CLSPN: variants seen among roughly 807,000 people sequenced by gnomAD.
CLSPN encodes claspin.
CLSPN carries 85 observed loss-of-function variants against 156.3 expected under a neutral mutation model. That is an observed-to-expected ratio of 0.54 (90% CI 0.46 to 0.65). The LOEUF (loss-of-function observed/expected upper bound fraction) is 0.65, where lower values mean the gene tolerates loss of function less well. Ranked by LOEUF, CLSPN falls within the 30% of genes least tolerant of loss-of-function variation. The pLI is 0.00. For missense variants in CLSPN, 1,407 were observed against 1,554.9 expected (o/e 0.90, Z 1.60); for synonymous variants, 534 against 542.4 (o/e 0.98, Z 0.22).
intron 8 of CLSPN, among the ~76,000 whole-genome samples, chr1:35,756,689 C>T (rs370039843): frequency 2.0e-4 from 30 of 152,252 alleles, no homozygotes; most frequent in African/African-American, 7.0e-4. Context: ...ATTCCATATG[C>T]TATTGCAAGC....
chr1:35,722,975 C>G (rs1641109067), intron 24 of CLSPN, among the ~76,000 whole-genome samples: 1 of 152,126 alleles, frequency 6.6e-6, no homozygotes, highest in Non-Finnish European at 1.5e-5. Flanking sequence ...ATGGAATATT[C>G]TAGCACTGTA....
rs1642189242 is a variant in CLSPN, at chr1:35,754,046, A to ATG, written c.1580-111_1580-110insCA. 46 of 941,400 alleles carry ATG rather than the reference A, an allele frequency of 4.9e-5. No homozygotes were observed. The South Asian group carries it at 8.4e-4, about 17-fold the overall frequency. 58.3% of individuals were successfully genotyped at this position (941,400 alleles called of 1,614,324 possible). On this transcript the variant is annotated intron_variant, in intron 8 of 24. Coordinates refer to ENST00000318121, the MANE Select transcript of CLSPN (RefSeq NM_022111.4). ...TCAACAATTATGAGGGAAACCACAC[A>ATG]TACACAGAGAAACCAAAAACCCCTT...
chr1:35,721,131 G>A (rs137922682), intron 24 of CLSPN, among the ~76,000 whole-genome samples: 6 of 152,212 alleles, frequency 3.9e-5, no homozygotes, highest in Admixed American at 2.0e-4. Flanking sequence ...TTCTTTCACC[G>A]ACAATTGAAA....
chr1:35,739,116 A>G lies in CLSPN; in HGVS notation c.3430+20T>C, dbSNP rs756141838. 3.1e-6 allele frequency: 5 copies of G among 1,614,012 alleles called. No homozygotes were observed. In the South Asian group the frequency reaches 5.5e-5, roughly 18 times the overall value. On this transcript the variant is annotated intron_variant, in intron 20 of 24. Coordinates refer to ENST00000318121, the MANE Select transcript of CLSPN (RefSeq NM_022111.4). ...GCTCAGCCCGTAACTGATTGCTTTT[A>G]AAGACAACAACCAAGATACCTATGT... is the stretch of plus-strand genomic sequence containing the variant.
At position 35,734,069 on chromosome 1, in the gene CLSPN, AC is replaced by A; in HGVS notation, c.*2426del. ...TCTTCACCTGAGCTGAACCCAAACC[AC>A]TTGGTAAGTTAACTTGATCAATTCA... is the stretch of plus-strand genomic sequence containing the variant. On this transcript the variant is annotated 3_prime_UTR_variant, in exon 25 of 25. Transcript: ENST00000318121. 1.0e-6 allele frequency: 1 copy of A among 985,418 alleles called. No homozygotes were observed. The highest frequency in any genetic ancestry group is 1.2e-6 in the Non-Finnish European group (1 of 829,910). 61.0% of individuals were successfully genotyped at this position (985,418 alleles called of 1,614,324 possible).
At chr1:35,743,607 A>C in intron 16 of CLSPN, 77 bp from the exon 17 acceptor site, 1 of 1,243,330 alleles carries the variant, frequency 8.0e-7, no homozygotes, top group Non-Finnish European at 1.2e-6. Flanking sequence ...TATGAATTAA[A>C]AAAAATTTTG....
rs920465760 is a variant in CLSPN, at chr1:35,740,423, T to C, written c.3144-894A>G. The stretch of plus-strand genomic sequence containing the variant: ...CGAAGACCTATACTGTATTTTCTCT[T>C]TTTTTTTTTTTTTGAGATGAAGTGT... On this transcript the variant is annotated intron_variant, in intron 18 of 24. Coordinates refer to ENST00000318121, the MANE Select transcript of CLSPN (RefSeq NM_022111.4). Among the ~76,000 whole-genome samples, 20 of 124,302 alleles carry C rather than the reference T, an allele frequency of 1.6e-4. No homozygotes were observed. In the East Asian group the frequency reaches 8.9e-3, roughly 55 times the overall value. The allele number at this position is 124,302 out of a possible 152,430, so 81.5% of individuals were successfully genotyped here.
chr1:35,730,843 G>A (rs1013100679), downstream of CLSPN, among the ~76,000 whole-genome samples: 9 of 152,048 alleles, frequency 5.9e-5, no homozygotes, highest in South Asian at 2.1e-4. Flanking sequence ...CAGCCGGGGC[G>A]ACAGAGCGAG....
At chr1:35,764,796 T>C (rs961771453) in intron 2 of CLSPN, 82 bp from the exon 3 acceptor site, 49 of 847,788 alleles carry the variant, frequency 5.8e-5, no homozygotes, top group Admixed American at 3.7e-4. Context: ...TATATTTTTA[T>C]ACAAGTGATA....
At chr1:35,741,016 T>C (rs1290805479) in intron 18 of CLSPN, among the ~76,000 whole-genome samples, 2 of 152,186 alleles carry the variant, frequency 1.3e-5, no homozygotes, top group Admixed American at 1.3e-4. Context: ...AAAGCAACCA[T>C]ATAAATCTAA....
At position 35,738,580 on chromosome 1, in the gene CLSPN, C is replaced by T. The variant is rs781171992; in HGVS notation, c.3433G>A (p.Asp1145Asn). Reference sequence around the variant, plus strand: ...TGGAACAAGTCCATCTGGGAAGCATCATCTAAACAAAGAGTGAAGGTAATC... The same window carrying T: ...TGGAACAAGTCCATCTGGGAAGCATTATCTAAACAAAGAGTGAAGGTAATC... ...MRKFRWKNID[D>N]ASQMDLFHRD... The change falls in exon 21 of 25, where the codon GAT (aspartate) becomes AAT (asparagine). Residue 1145 changes from aspartate to asparagine, a missense_variant and splice_region_variant. By Grantham distance (23) the Asp-to-Asn change is conservative. Transcript: ENST00000318121. 3 of 1,613,872 alleles carry T rather than the reference C, an allele frequency of 1.9e-6. No homozygotes were observed. The highest frequency in any genetic ancestry group is 2.2e-5 in the South Asian group (2 of 91,066).
chr1:35,753,832 T>G lies in CLSPN; in HGVS notation c.1684A>C (p.Thr562Pro). The change falls in exon 9 of 25, where the codon ACT becomes CCT. Residue 562 changes from threonine to proline, a missense_variant. Coordinates refer to ENST00000318121, the MANE Select transcript of CLSPN (RefSeq NM_022111.4). Reference sequence around the variant, plus strand: ...GCTTTTAGCTCTTCCTTTCCATCAGTGCCCATGTCTTTCACTATGACGTTC... The same window carrying G: ...GCTTTTAGCTCTTCCTTTCCATCAGGGCCCATGTCTTTCACTATGACGTTC... ...NVNVIVKDMG[T>P]DGKEELKADV... 2 of 1,614,204 alleles carry G rather than the reference T, an allele frequency of 1.2e-6. No individual in the cohort carries two copies. Among genetic ancestry groups the G allele is most frequent in the Non-Finnish European group, 1.7e-6 (2 of 1,180,030 alleles).
Position 35,746,982 on chromosome 1 carries a change from C to T in CLSPN, c.2638G>A (p.Val880Ile), listed in dbSNP as rs773476296. The change falls in exon 15 of 25, where the codon GTT (valine) becomes ATT (isoleucine). Residue 880 changes from valine to isoleucine, a missense_variant. Val to Ile is a conservative substitution (Grantham distance 29). Transcript: ENST00000318121. The surrounding 1 kb of genome is among the most constrained non-coding windows in gnomAD (Gnocchi z 4.2). ...QLLDADGFLN[V>I]RNHRNQYQAL... ...TGGTACTGATTCCTGTGGTTTCTAA[C>T]ATTTAAGAACCTAAGAACCAATGAG... The T allele has an allele frequency of 1.9e-6, 3 of 1,613,392 alleles. No individual in the cohort carries two copies. The Admixed American group carries it at 5.0e-5, about 27-fold the overall frequency.
At position 35,732,582 on chromosome 1, in the gene CLSPN, T is replaced by C. The variant is rs1436791908; in HGVS notation, c.*3914A>G. 1 of 985,356 alleles carries C rather than the reference T, an allele frequency of 1.0e-6. No individual in the cohort carries two copies. The highest frequency in any genetic ancestry group is 1.1e-4 in the East Asian group (1 of 8,836). 61.0% of individuals were successfully genotyped at this position (985,356 alleles called of 1,614,324 possible). ...CCTGTTTAAAGAGGTTAATACCATG[T>C]ATCCCTACTCAAGTGTATGGAACAA... is the stretch of plus-strand genomic sequence containing the variant. On this transcript the variant is annotated 3_prime_UTR_variant, in exon 25 of 25. Coordinates refer to ENST00000318121, the MANE Select transcript of CLSPN (RefSeq NM_022111.4).
chr1:35,726,175 A>AAAAAAAAAAAAG (rs1641184674), intron 24 of CLSPN, among the ~76,000 whole-genome samples: 1 of 148,166 alleles, frequency 6.7e-6, no homozygotes, highest in Non-Finnish European at 1.5e-5. Flanking sequence ...AAAAAAAAAA[A>AAAAAAAAAAAAG]GCGCATAGCA....
chr1:35,736,487 T>G lies in CLSPN; in HGVS notation c.*9A>C. The G allele has an allele frequency of 1.3e-6, 2 of 1,579,544 alleles. No homozygotes were observed. Among genetic ancestry groups the G allele is most frequent in the Non-Finnish European group, 1.7e-6 (2 of 1,165,742 alleles). On this transcript the variant is annotated 3_prime_UTR_variant, in exon 25 of 25. Coordinates refer to ENST00000318121, the MANE Select transcript of CLSPN (RefSeq NM_022111.4). ...AGTCTCAATGTAGATTTTGGCACCT[T>G]TGATGGTGTTAGCTCTCCAAATATT...
intron 18 of CLSPN, among the ~76,000 whole-genome samples, chr1:35,740,619 A>T (rs1353902982): frequency 6.6e-6 from 1 of 151,978 alleles, no homozygotes; most frequent in African/African-American, 2.4e-5. Context: ...GGGTTTCACC[A>T]TGTTGGCCAG....
chr1:35,724,314 G>C (rs1187028849), intron 24 of CLSPN, among the ~76,000 whole-genome samples: 1 of 152,148 alleles, frequency 6.6e-6, no homozygotes, highest in Non-Finnish European at 1.5e-5. Flanking sequence ...AGAAGGCATA[G>C]GAGACTGCAT....
downstream of CLSPN, among the ~76,000 whole-genome samples, chr1:35,727,232 T>A (rs1641212489): frequency 6.6e-6 from 1 of 152,096 alleles, no homozygotes; most frequent in Admixed American, 6.5e-5. Flanking sequence ...TGTGGAAGAA[T>A]GAGAATGAGC....
Sources: gnomAD v4.1 joint callset for allele counts (sites outside exome capture counted in the v4.1 genomes callset) on GRCh38, gnomAD v4.1.1 for gene constraint, Gnocchi (gnomAD v3.1) non-coding constraint, MANE v1.5 for transcripts, NCBI Gene and HGNC (gene_info 2026-07-23, HGNC 2026-07-21) for gene names.